ARHGAP26: variants seen among roughly 807,000 people sequenced by gnomAD.
ARHGAP26 encodes rho GTPase-activating protein 26.
ARHGAP26 carries 38 observed loss-of-function variants against 104.8 expected under a neutral mutation model. The observed-to-expected ratio is 0.36, with a 90% CI of 0.28 to 0.48. The LOEUF (loss-of-function observed/expected upper bound fraction) is 0.48, where lower values mean the gene tolerates loss of function less well. Among genes scored for constraint, ARHGAP26 ranks in the 20% least tolerant of loss-of-function variants. The pLI is 0.99. For synonymous variants in ARHGAP26, 341 were observed against 340.0 expected (o/e 1.00, Z -0.03); for missense variants, 704 against 947.9 (o/e 0.74, Z 3.38).
At chr5:142,919,376 A>T (rs966192141) in intron 10 of ARHGAP26, 1 of 398,536 alleles carries the variant, frequency 2.5e-6, no homozygotes, top group Non-Finnish European at 4.4e-6. Context: ...CACAGACCTC[A>T]GGAGGAACCC....
At chr5:143,114,680 G>A (rs186074355) in intron 17 of ARHGAP26, among the ~76,000 whole-genome samples, 1 of 152,230 alleles carries the variant, frequency 6.6e-6, no homozygotes, top group East Asian at 1.9e-4. Flanking sequence ...GTCATCTCAG[G>A]CCTACCCCAG....
intron 11 of ARHGAP26, among the ~76,000 whole-genome samples, chr5:142,949,220 A>G (rs1767861075): frequency 5.8e-5 from 1 of 17,386 alleles, no homozygotes; most frequent in Non-Finnish European, 9.1e-5. Flanking sequence ...AGAGAGAGAG[A>G]GGAGAGAGAG....
intron 17 of ARHGAP26, among the ~76,000 whole-genome samples, chr5:143,060,522 G>C (rs1786546439): frequency 6.6e-6 from 1 of 152,052 alleles, no homozygotes; most frequent in African/African-American, 2.4e-5. Context: ...CCAAATCACA[G>C]AGATGTTGGA....
At chr5:143,031,420 G>C (rs1781819138) in intron 12 of ARHGAP26, among the ~76,000 whole-genome samples, 1 of 152,142 alleles carries the variant, frequency 6.6e-6, no homozygotes, top group Admixed American at 6.5e-5. Context: ...GGACCAGGAT[G>C]GTGATGATGA....
At chr5:142,817,565 G>A (rs1384734212) in intron 1 of ARHGAP26, among the ~76,000 whole-genome samples, 2 of 152,136 alleles carry the variant, frequency 1.3e-5, no homozygotes, top group African/African-American at 4.8e-5. Flanking sequence ...TGGGTCTGGG[G>A]TCGGGCCTCG....
Position 143,147,247 on chromosome 5 carries a change from C to A in ARHGAP26, c.1854C>A (p.Ser618Arg). Reference sequence around the variant, plus strand: ...CCCCCCCAGAGGAACAAAGGAACAGCATCATCAACTCCAGTTTGGAATCTG... The same window carrying A: ...CCCCCCCAGAGGAACAAAGGAACAGAATCATCAACTCCAGTTTGGAATCTG... ...QSTEKQEQRN[S>R]IINSSLESVS... is the part of the protein sequence containing the mutation. Residue 618 changes from serine to arginine, a missense_variant, in exon 20 of 23, where the codon AGC becomes AGA. Transcript: ENST00000645722. 1 of 1,613,946 alleles carries A rather than the reference C, an allele frequency of 6.2e-7. No homozygotes were observed. The highest frequency in any genetic ancestry group is 8.5e-7 in the Non-Finnish European group (1 of 1,179,890).
intron 17 of ARHGAP26, among the ~76,000 whole-genome samples, chr5:143,109,318 G>A (rs957869524): frequency 1.3e-5 from 2 of 152,216 alleles, no homozygotes; most frequent in African/African-American, 2.4e-5. Context: ...ATATATAGGC[G>A]CAAAGGCACA....
intron 1 of ARHGAP26, among the ~76,000 whole-genome samples, chr5:142,786,654 A>ATTTTTTTTTTTTTTTTTTTTT (rs70991779): frequency 9.6e-6 from 1 of 104,446 alleles, no homozygotes; most frequent in Non-Finnish European, 2.0e-5. Flanking sequence ...GAGTTCTAGA[A>ATTTTTTTTTTTTTTTTTTTTT]TTTTTTTTTT....
rs1456671678 is a variant in ARHGAP26 at position 143,105,394 on chromosome 5, T to TAAATAAAC, written c.1539-15587_1539-15586insCAAATAAA. Among the ~76,000 whole-genome samples the TAAATAAAC allele has an allele frequency of 4.4e-3, 658 of 149,774 alleles. 1 individual carries two copies. The highest frequency in any genetic ancestry group is 6.5e-3 in the Non-Finnish European group (440 of 67,382). On this transcript the variant is annotated intron_variant, in intron 17 of 22. Coordinates refer to ENST00000645722, the MANE Select transcript of ARHGAP26 (RefSeq NM_001135608.3). ...TCCATCTCAAAAATAAATAAATAAA[T>TAAATAAAC]AAATAAATAAATAAATAAATAAATA...
intron 16 of ARHGAP26, 133 bp downstream of exon 16, chr5:143,056,219 T>G: frequency 1.5e-6 from 1 of 671,420 alleles, no homozygotes; most frequent in Non-Finnish European, 2.5e-6. Context: ...AACATACTCA[T>G]GAGATTCTAA....
At chr5:143,032,865 A>G (rs1165574020) in intron 12 of ARHGAP26, among the ~76,000 whole-genome samples, 1 of 152,204 alleles carries the variant, frequency 6.6e-6, no homozygotes, top group Admixed American at 6.5e-5. Flanking sequence ...GTGAAAAAGA[A>G]GAGACAAAGA....
chr5:142,877,215 C>T (rs1434246712), intron 3 of ARHGAP26, among the ~76,000 whole-genome samples: 3 of 152,166 alleles, frequency 2.0e-5, no homozygotes, highest in Non-Finnish European at 4.4e-5. Flanking sequence ...TAGCAAGCCC[C>T]TTCTCTACCT....
At chr5:142,969,103 A>T (rs1385582144) in intron 11 of ARHGAP26, among the ~76,000 whole-genome samples, 5 of 151,474 alleles carry the variant, frequency 3.3e-5, no homozygotes, top group East Asian at 1.9e-4. Context: ...AGCTCTTTTT[A>T]TTATTATTAT....
At chr5:143,206,879 C>T (rs34079622) in intron 20 of ARHGAP26, among the ~76,000 whole-genome samples, 4,096 of 152,296 alleles carry the variant, frequency 0.027, 178 homozygotes, top group African/African-American at 0.088. Flanking sequence ...GGTGATAGCA[C>T]GTGGGTGTGG....
chr5:142,937,110 C>T (rs755003982), intron 11 of ARHGAP26, among the ~76,000 whole-genome samples: 10 of 151,942 alleles, frequency 6.6e-5, no homozygotes, highest in Non-Finnish European at 1.3e-4. Context: ...AAAATATTTG[C>T]AAAAACATAT....
intron 20 of ARHGAP26, chr5:143,193,817 T>C (rs1235043992): frequency 6.6e-6 from 1 of 152,242 alleles, no homozygotes. Context: ...TGTTCATCTC[T>C]TATTATGCTT....
chr5:142,887,285 C>A lies in ARHGAP26; in HGVS notation c.486+1886C>A, dbSNP rs150645697. On this transcript the variant is annotated intron_variant, in intron 5 of 22. Transcript: ENST00000645722. The stretch of plus-strand genomic sequence containing the variant: ...TGGGCTGGCAAAGAGGATACCTTGC[C>A]TCAAAACCTTCTCTGCTGTGTATTT... 5.7e-3 allele frequency among the ~76,000 whole-genome samples: 863 copies of A among 152,184 alleles called. 5 individuals are homozygous for A. The highest frequency in any genetic ancestry group is 0.017 in the Middle Eastern group (5 of 294).
intron 22 of ARHGAP26, among the ~76,000 whole-genome samples, chr5:143,215,974 A>G (rs1810288308): frequency 6.6e-6 from 1 of 152,118 alleles, no homozygotes; most frequent in African/African-American, 2.4e-5. Context: ...TATACCTAGG[A>G]GTGGGATTGC....
At chr5:143,167,037 G>A (rs569418051) in intron 20 of ARHGAP26, among the ~76,000 whole-genome samples, 26 of 152,194 alleles carry the variant, frequency 1.7e-4, no homozygotes, top group Non-Finnish European at 3.7e-4. Flanking sequence ...TTCAAATCCA[G>A]CAGCAGCTTC....
Sources: allele counts gnomAD v4.1 joint callset (sites outside exome capture counted in the v4.1 genomes callset), GRCh38; gene constraint gnomAD v4.1.1; transcripts MANE v1.5; gene names NCBI Gene and HGNC (gene_info 2026-07-23, HGNC 2026-07-21).